CAMTA1: variants seen among roughly 807,000 people sequenced by gnomAD.
CAMTA1 encodes calmodulin binding transcription activator 1.
A neutral mutation model predicts 170.9 loss-of-function variants in CAMTA1; 27 were observed. The observed-to-expected ratio is 0.16, with a 90% confidence interval of 0.12 to 0.22. CAMTA1 has a LOEUF of 0.22. Among genes scored for constraint, CAMTA1 ranks in the 10% least tolerant of loss-of-function variants. The pLI is 1.00. For missense variants in CAMTA1, 1,619 were observed against 2,217.2 expected (o/e 0.73, Z 5.42); for synonymous variants, 833 against 891.5 (o/e 0.93, Z 1.17).
At chr1:6,867,177 A>T (rs907060169) in intron 3 of CAMTA1, among the ~76,000 whole-genome samples, 1 of 151,820 alleles carries the variant, frequency 6.6e-6, no homozygotes, top group Non-Finnish European at 1.5e-5. Context: ...GCATGTTATC[A>T]CTCTCCAAAG....
In CAMTA1 at chr1:7,677,607, A is replaced by G. The variant is rs2096135552; in HGVS notation, c.2788A>G (p.Thr930Ala). The G allele has an allele frequency of 6.2e-7, 1 of 1,613,990 alleles. No homozygotes were observed. Among genetic ancestry groups the G allele is most frequent in the Non-Finnish European group, 8.5e-7 (1 of 1,179,926 alleles). ...VLRCYCPAHD[T>A]GLVTLQVAFN... is the part of the protein sequence containing the mutation. ...TTTTCTCTCGCTTTCAGCCCATGAC[A>G]CTGGTCTTGTGACCCTACAAGTTGC... The change falls in exon 11 of 23, where the codon ACT becomes GCT. Residue 930 changes from threonine (T) to alanine (A), a missense_variant. Physicochemically the swap from Thr to Ala is moderately conservative, Grantham distance 58. Transcript: ENST00000303635.
intron 22 of CAMTA1, among the ~76,000 whole-genome samples, chr1:7,759,415 C>T (rs957431873): frequency 6.6e-6 from 1 of 152,174 alleles, no homozygotes; most frequent in African/African-American, 2.4e-5. Flanking sequence ...GTACAGCTCA[C>T]TTTTATCCCC....
At chr1:7,487,469 T>C (rs1255812495) in intron 6 of CAMTA1, among the ~76,000 whole-genome samples, 4 of 152,280 alleles carry the variant, frequency 2.6e-5, no homozygotes, top group African/African-American at 9.6e-5. Context: ...AGTATTGCAC[T>C]GCAGTGGCAT....
Position 7,435,490 on chromosome 1 carries a change from G to T in CAMTA1, c.439-32340G>T, listed in dbSNP as rs1055918222. Among the ~76,000 whole-genome samples, 3 of 152,210 alleles carry T rather than the reference G, an allele frequency of 2.0e-5. No individual in the cohort carries two copies. Among genetic ancestry groups the T allele is most frequent in the Non-Finnish European group, 2.9e-5 (2 of 68,036 alleles). ...AACAGAACCTTCCGGTTTGTTGAGG[G>T]TTGGGTCATCATCCCCTCTGTTACC... is the stretch of plus-strand genomic sequence containing the variant. On this transcript the variant is annotated intron_variant, in intron 5 of 22. Transcript: ENST00000303635. The surrounding 1 kb of genome is among the most constrained non-coding windows in gnomAD (Gnocchi z 4.4).
intron 5 of CAMTA1, among the ~76,000 whole-genome samples, chr1:7,250,369 A>G (rs181047112): frequency 1.8e-4 from 28 of 151,648 alleles, no homozygotes; most frequent in Admixed American, 6.5e-5. Context: ...CTGCTGGTTA[A>G]CTAGCATCCA....
intron 3 of CAMTA1, among the ~76,000 whole-genome samples, chr1:7,011,875 G>A (rs1480746658): frequency 1.3e-5 from 2 of 152,018 alleles, no homozygotes; most frequent in Non-Finnish European, 2.9e-5. Context: ...TCCAAATTCC[G>A]AGATTACAAA....
intron 7 of CAMTA1, 126 bp from the exon 8 acceptor site, chr1:7,661,600 C>T: frequency 9.0e-7 from 1 of 1,110,270 alleles, no homozygotes. Flanking sequence ...CAATTCGCCC[C>T]AGGAGCCAGC....
At chr1:7,341,435 G>A (rs900983010) in intron 5 of CAMTA1, among the ~76,000 whole-genome samples, 10 of 152,358 alleles carry the variant, frequency 6.6e-5, no homozygotes, top group East Asian at 5.8e-4. Flanking sequence ...CCAGTGAAAC[G>A]AAAATATTTC....
chr1:7,514,205 TC>T (rs1032466816), intron 6 of CAMTA1, among the ~76,000 whole-genome samples: 2 of 152,194 alleles, frequency 1.3e-5, no homozygotes, highest in African/African-American at 4.8e-5. Context: ...CCTCGGAGCC[TC>T]TTCCAGCTCC....
intron 3 of CAMTA1, among the ~76,000 whole-genome samples, chr1:7,026,032 A>T (rs181094580): frequency 5.8e-4 from 88 of 151,904 alleles, no homozygotes; most frequent in Middle Eastern, 6.8e-3. Flanking sequence ...AGGCAGGAGG[A>T]TTGCTTGAGC....
rs1042571422 is a variant in CAMTA1, at chr1:7,333,402, G to T, written c.438+83776G>T. Among the ~76,000 whole-genome samples, 1 of 152,168 alleles carries T rather than the reference G, an allele frequency of 6.6e-6. No individual in the cohort carries two copies. Among genetic ancestry groups the T allele is most frequent in the Non-Finnish European group, 1.5e-5 (1 of 68,042 alleles). On this transcript the variant is annotated intron_variant, in intron 5 of 22. Coordinates refer to ENST00000303635, the MANE Select transcript of CAMTA1 (RefSeq NM_015215.4). The surrounding 1 kb of genome is among the most constrained non-coding windows in gnomAD (Gnocchi z 4.4). ...TGCAGAGTGATGATCGCATAGGCACGCCTTCCTGCAAGGTCACAGGTGGAA... is the reference window on the plus strand; with the variant it reads ...TGCAGAGTGATGATCGCATAGGCACTCCTTCCTGCAAGGTCACAGGTGGAA...
At chr1:7,720,583 A>G (rs901880899) in intron 11 of CAMTA1, among the ~76,000 whole-genome samples, 14 of 152,046 alleles carry the variant, frequency 9.2e-5, no homozygotes, top group Non-Finnish European at 1.8e-4. Flanking sequence ...GGTTCACCAC[A>G]TTGGCCAGGC....
chr1:6,933,501 C>T (rs1684782868), intron 3 of CAMTA1, among the ~76,000 whole-genome samples: 1 of 152,140 alleles, frequency 6.6e-6, no homozygotes, highest in Non-Finnish European at 1.5e-5. Context: ...CTCAAGTGAT[C>T]TGCCCACCTT....
chr1:7,153,640 G>A (rs1368908246), intron 4 of CAMTA1, among the ~76,000 whole-genome samples: 1 of 152,114 alleles, frequency 6.6e-6, no homozygotes, highest in Non-Finnish European at 1.5e-5. Context: ...CGAGTGACCG[G>A]CAACCTCCCA....
At chr1:7,669,142 C>T (rs2096031181) in intron 9 of CAMTA1, among the ~76,000 whole-genome samples, 1 of 152,194 alleles carries the variant, frequency 6.6e-6, no homozygotes, top group Non-Finnish European at 1.5e-5. Flanking sequence ...GCTACTGAGG[C>T]GCAGGAGCAG....
At chr1:7,200,008 G>GT (rs1656352385) in intron 4 of CAMTA1, among the ~76,000 whole-genome samples, 1 of 152,084 alleles carries the variant, frequency 6.6e-6, no homozygotes, top group Non-Finnish European at 1.5e-5. Context: ...AAATGACATT[G>GT]TACTGCAAGC....
rs149791618 is a variant in CAMTA1 at position 7,735,852 on chromosome 1, G to A, written c.3067-492G>A. Among the ~76,000 whole-genome samples, 552 of 152,180 alleles carry A rather than the reference G, an allele frequency of 3.6e-3. 2 individuals are homozygous for A. The highest frequency in any genetic ancestry group is 0.017 in the South Asian group (81 of 4,814). ...AGTGGCGCGATCACAGCTCACTGTA[G>A]CCTCAACCTCTCCAGGCTCAGGTGA... On this transcript the variant is annotated intron_variant, in intron 12 of 22. Coordinates refer to ENST00000303635, the MANE Select transcript of CAMTA1 (RefSeq NM_015215.4).
At chr1:7,629,496 T>C (rs1379573628) in intron 6 of CAMTA1, among the ~76,000 whole-genome samples, 1 of 152,042 alleles carries the variant, frequency 6.6e-6, no homozygotes, top group Non-Finnish European at 1.5e-5. Flanking sequence ...GCTGTGTAGT[T>C]TGATTGTGCT....
chr1:6,974,581 C>G (rs1693087764), intron 3 of CAMTA1, among the ~76,000 whole-genome samples: 2 of 152,292 alleles, frequency 1.3e-5, no homozygotes, highest in South Asian at 4.1e-4. Flanking sequence ...ATCCAACCTC[C>G]TGTGCGCTCC....
Sources: gnomAD v4.1 joint callset for allele counts (sites outside exome capture counted in the v4.1 genomes callset) on GRCh38, gnomAD v4.1.1 for gene constraint, Gnocchi (gnomAD v3.1) non-coding constraint, MANE v1.5 for transcripts, NCBI Gene and HGNC (gene_info 2026-07-23, HGNC 2026-07-21) for gene names.